CENPP: variants seen among roughly 807,000 people sequenced by gnomAD.
CENPP encodes the protein centromere protein P.
A neutral mutation model predicts 35.6 loss-of-function variants in CENPP; 24 were observed. The ratio of observed to expected loss-of-function variants is 0.67; its 90% confidence interval spans 0.49 to 0.95. The LOEUF is 0.95. CENPP is among the 40% of genes least tolerant of loss of function. The pLI, the probability that CENPP is intolerant of heterozygous loss-of-function variation, is 0.00. For missense variants in CENPP, 332 were observed against 345.3 expected (o/e 0.96, Z 0.31); for synonymous variants, 120 against 125.5 (o/e 0.96, Z 0.29).
At chr9:92,548,619 A>C (rs909328120) in intron 5 of CENPP, among the ~76,000 whole-genome samples, 7 of 152,250 alleles carry the variant, frequency 4.6e-5, no homozygotes, top group African/African-American at 1.7e-4. Flanking sequence ...AAGTTAAGGA[A>C]AAGATATGTA....
intron 5 of CENPP, among the ~76,000 whole-genome samples, chr9:92,421,760 G>C (rs1843802747): frequency 6.6e-6 from 1 of 152,174 alleles, no homozygotes; most frequent in South Asian, 2.1e-4. Context: ...TGAAGCCATA[G>C]TCCCTTCTGT....
chr9:92,483,302 T>C (rs1418942132), intron 5 of CENPP, among the ~76,000 whole-genome samples: 1 of 151,810 alleles, frequency 6.6e-6, no homozygotes, highest in African/African-American at 2.4e-5. Context: ...AATCTTGGCT[T>C]ACTGCAAGCT....
At chr9:92,417,587 G>T in intron 5 of CENPP, 1 of 1,375,166 alleles carries the variant, frequency 7.3e-7, no homozygotes, top group Non-Finnish European at 9.9e-7. Context: ...ATTGCAAGGA[G>T]AAAAGGAAAC....
intron 4 of CENPP, among the ~76,000 whole-genome samples, chr9:92,363,133 A>T (rs1238317448): frequency 6.6e-6 from 1 of 152,148 alleles, no homozygotes; most frequent in Non-Finnish European, 1.5e-5. Flanking sequence ...ATGGCATTAG[A>T]GACTGAGATC....
intron 5 of CENPP, among the ~76,000 whole-genome samples, chr9:92,444,590 G>A (rs1006107807): frequency 2.0e-5 from 3 of 152,084 alleles, no homozygotes; most frequent in African/African-American, 7.2e-5. Flanking sequence ...ATTTATGTCT[G>A]TTTTACGAGT....
chr9:92,434,813 C>T (rs1844207117), intron 5 of CENPP, among the ~76,000 whole-genome samples: 1 of 152,074 alleles, frequency 6.6e-6, no homozygotes, highest in South Asian at 2.1e-4. Context: ...GAGCCTGAAG[C>T]GGACGGATCA....
intron 4 of CENPP, among the ~76,000 whole-genome samples, chr9:92,352,510 CATATATATATATATATAT>C (rs67070835): frequency 2.0e-5 from 1 of 50,430 alleles, no homozygotes; most frequent in Admixed American, 2.1e-4. Flanking sequence ...TGTGTGTATA[CATATATATATATATATAT>C]ATATATATAT....
intron 5 of CENPP, among the ~76,000 whole-genome samples, chr9:92,410,439 A>T (rs1377217103): frequency 6.6e-6 from 1 of 152,038 alleles, no homozygotes; most frequent in Non-Finnish European, 1.5e-5. Context: ...GGTTGACCAC[A>T]CTCTGGGGCA....
intron 5 of CENPP, chr9:92,457,332 C>T: frequency 6.2e-7 from 1 of 1,613,998 alleles, no homozygotes; most frequent in Non-Finnish European, 8.5e-7. Flanking sequence ...CTGCTCAAAA[C>T]ACAACGAAAT....
Position 92,416,974 on chromosome 9 carries a change from A to G in CENPP, c.564+37115A>G, listed in dbSNP as rs764832468. On this transcript the variant is annotated intron_variant, in intron 5 of 7. Coordinates refer to ENST00000375587, the MANE Select transcript of CENPP (RefSeq NM_001012267.3). ...TTAGCAGAGAATCATGAAGATAATT[A>G]TAACAGAGATCAAGCATGGTCAAGT... is the stretch of plus-strand genomic sequence containing the variant. The G allele has an allele frequency of 1.5e-5, 25 of 1,614,032 alleles. No individual in the cohort carries two copies. The South Asian group carries it at 1.6e-4, about 11-fold the overall frequency.
At chr9:92,532,013 A>ATGTTT (rs1848794589) in intron 5 of CENPP, among the ~76,000 whole-genome samples, 1 of 68,914 alleles carries the variant, frequency 1.5e-5, no homozygotes, top group African/African-American at 1.2e-4. Context: ...TTTTTATTTA[A>ATGTTT]TGTTTTTTTT....
intron 4 of CENPP, among the ~76,000 whole-genome samples, chr9:92,354,987 C>T (rs1304632956): frequency 6.6e-6 from 1 of 152,022 alleles, no homozygotes; most frequent in East Asian, 1.9e-4. Context: ...CTTCCAAGGG[C>T]AAAAAGCAGA....
intron 5 of CENPP, among the ~76,000 whole-genome samples, chr9:92,439,658 G>A (rs550282551): frequency 1.2e-4 from 19 of 152,204 alleles, no homozygotes; most frequent in Admixed American, 3.9e-4. Context: ...CCTTCTCTTT[G>A]TCTTCCTATT....
At position 92,611,411 on chromosome 9, in the gene CENPP, A is replaced by C; in HGVS notation, c.644+18A>C. The C allele has an allele frequency of 6.2e-7, 1 of 1,600,498 alleles. No homozygotes were observed. The highest frequency in any genetic ancestry group is 8.5e-7 in the Non-Finnish European group (1 of 1,172,222). On this transcript the variant is annotated intron_variant, in intron 6 of 7. Transcript: ENST00000375587. Reference sequence around the variant, plus strand: ...CGGCCAGGGTGAGCCTGCACAGGCCATGGGGCCTCCCATTTCCTGTTCAAA... The same window carrying C: ...CGGCCAGGGTGAGCCTGCACAGGCCCTGGGGCCTCCCATTTCCTGTTCAAA...
intron 5 of CENPP, among the ~76,000 whole-genome samples, chr9:92,440,916 G>A (rs1014537129): frequency 6.6e-6 from 1 of 152,072 alleles, no homozygotes; most frequent in Non-Finnish European, 1.5e-5. Flanking sequence ...TTGAAACTGC[G>A]ACTTTAAGTG....
intron 5 of CENPP, among the ~76,000 whole-genome samples, chr9:92,478,565 C>T (rs1845795298): frequency 6.6e-6 from 1 of 152,072 alleles, no homozygotes; most frequent in South Asian, 2.1e-4. Flanking sequence ...GTGATCCTCC[C>T]ACCTCAGCCT....
At chr9:92,469,736 C>T (rs911446739) in intron 5 of CENPP, among the ~76,000 whole-genome samples, 6 of 152,150 alleles carry the variant, frequency 3.9e-5, no homozygotes, top group African/African-American at 1.4e-4. Context: ...AACACCATGC[C>T]AGAGTCAGCG....
intron 5 of CENPP, among the ~76,000 whole-genome samples, chr9:92,602,835 C>CT (rs762325837): frequency 2.0e-3 from 269 of 132,730 alleles, no homozygotes; most frequent in Middle Eastern, 0.012. Flanking sequence ...TCAAATTAAA[C>CT]TTTTTTTTTT....
chr9:92,450,918 C>T (rs1844689486), intron 5 of CENPP, among the ~76,000 whole-genome samples: 3 of 152,068 alleles, frequency 2.0e-5, no homozygotes, highest in African/African-American at 4.8e-5. Flanking sequence ...CTGTTCATGT[C>T]GTTCGCCCAC....
Sources: gnomAD v4.1 joint callset for allele counts (sites outside exome capture counted in the v4.1 genomes callset) on GRCh38, gnomAD v4.1.1 for gene constraint, MANE v1.5 for transcripts, NCBI Gene and HGNC (gene_info 2026-07-23, HGNC 2026-07-21) for gene names.